MVP: variants seen among roughly 807,000 people sequenced by gnomAD.
MVP encodes major vault protein.
In MVP, 62 loss-of-function variants were observed where a neutral mutation model predicts 83.5. The ratio of observed to expected loss-of-function variants is 0.74; its 90% CI spans 0.61 to 0.92. MVP has a LOEUF of 0.92. Ranked by LOEUF, MVP falls within the 40% of genes least tolerant of loss-of-function variation. The probability of loss-of-function intolerance (pLI) is 0.00; values close to 1 mark genes in which losing one functional copy is unlikely to be tolerated. For synonymous variants in MVP, 505 were observed against 504.1 expected, an observed-to-expected ratio of 1.00 and a Z score of -0.02; for missense variants, 1,000 against 1,203.4, an observed-to-expected ratio of 0.83 and a Z score of 2.50.
rs1438310945 is a variant in MVP, at chr16:29,835,908, G to C, written c.672+110G>C. ...GAGTAAAAGAGAAGCAATAATTTTA[G>C]GGTCACTTAAAAAAATTCAGAGATC... On this transcript the variant is annotated intron_variant, in intron 6 of 14. Coordinates refer to ENST00000357402, the MANE Select transcript of MVP (RefSeq NM_005115.5). The C allele has an allele frequency of 1.7e-5, 15 of 891,904 alleles. No individual in the cohort carries two copies. The African/African-American group carries it at 1.8e-4, about 11-fold the overall frequency. The allele number at this position is 891,904 out of a possible 1,614,324, so 55.2% of individuals were successfully genotyped here.
intron 7 of MVP, among the ~76,000 whole-genome samples, chr16:29,837,584 T>C (rs2067498379): frequency 6.6e-6 from 1 of 152,076 alleles, no homozygotes; most frequent in Non-Finnish European, 1.5e-5. Context: ...GGAAACCCTG[T>C]CTCTACTAAA....
intron 3 of MVP, among the ~76,000 whole-genome samples, chr16:29,833,048 G>T (rs1228996668): frequency 1.3e-5 from 2 of 150,278 alleles, no homozygotes; most frequent in East Asian, 3.9e-4. Flanking sequence ...CTGGGTGACA[G>T]AGCAAGACTC....
At chr16:29,845,324 C>A (rs556689333) in intron 11 of MVP, among the ~76,000 whole-genome samples, 4 of 152,266 alleles carry the variant, frequency 2.6e-5, no homozygotes, top group South Asian at 2.1e-4. Flanking sequence ...TAGCCTCCCC[C>A]TTCCATGCTC....
intron 5 of MVP, chr16:29,834,904 T>A (rs1314161504): frequency 6.7e-6 from 1 of 149,132 alleles, no homozygotes; most frequent in Admixed American, 6.7e-5. Flanking sequence ...GAGACAGGGT[T>A]TCACCATGTT....
intron 12 of MVP, 69 bp from the exon 13 acceptor site, chr16:29,846,089 A>G (rs1052968843): frequency 2.1e-5 from 34 of 1,602,082 alleles, no homozygotes; most frequent in Non-Finnish European, 2.9e-5. Flanking sequence ...GCACGGCTAC[A>G]GCATAAGCCA....
intron 1 of MVP, chr16:29,830,264 C>T (rs996754346): frequency 1.3e-5 from 4 of 298,030 alleles, no homozygotes; most frequent in African/African-American, 6.5e-5. Context: ...AAGGAATTGG[C>T]AAGGAACCCT....
intron 1 of MVP, 82 bp from the exon 2 acceptor site, chr16:29,830,433 A>G: frequency 7.9e-7 from 1 of 1,265,026 alleles, no homozygotes; most frequent in South Asian, 1.4e-5. Context: ...GCCGTATCCC[A>G]CCCAGAGTCT....
chr16:29,836,915 G>A lies in MVP; in HGVS notation c.866G>A (p.Gly289Glu). The A allele has an allele frequency of 6.2e-7, 1 of 1,613,958 alleles. No homozygotes were observed. Among genetic ancestry groups the A allele is most frequent in the Non-Finnish European group, 8.5e-7 (1 of 1,179,954 alleles). Residue 289 changes from glycine (G) to glutamate (E), a missense_variant, in exon 7 of 15, where the codon GGA becomes GAA. Coordinates refer to ENST00000357402, the MANE Select transcript of MVP (RefSeq NM_005115.5). Reference protein sequence around the residue: ...HNYCVILDPVGPDGKNQLGQK... With the variant: ...HNYCVILDPVEPDGKNQLGQK... Reference sequence around the variant, plus strand: ...TACTGCGTGATTCTCGACCCTGTCGGACCGGATGGCAAGAATCAGCTGGGG... The same window carrying A: ...TACTGCGTGATTCTCGACCCTGTCGAACCGGATGGCAAGAATCAGCTGGGG...
At chr16:29,832,292 CTTTTTTT>C (rs36059297) in intron 3 of MVP, among the ~76,000 whole-genome samples, 34 of 107,292 alleles carry the variant, frequency 3.2e-4, no homozygotes, top group East Asian at 7.6e-4. Flanking sequence ...ATTCTTGTAC[CTTTTTTT>C]TTTTTTTTTT....
chr16:29,846,240 G>T lies in MVP; in HGVS notation c.2221G>T (p.Val741Leu), dbSNP rs1478942622. 1.9e-6 allele frequency: 3 copies of T among 1,581,654 alleles called. No individual in the cohort carries two copies. The highest frequency in any genetic ancestry group is 2.6e-6 in the Non-Finnish European group (3 of 1,163,250). ...EAARIEGEGSVLQAKLKAQAL... is the reference protein window; with the variant it reads ...EAARIEGEGSLLQAKLKAQAL... ...AGCCCGGATTGAGGGAGAAGGGTCCGTGCTGCAGGCCAAGCTAAAAGCACA... is the reference window on the plus strand; with the variant it reads ...AGCCCGGATTGAGGGAGAAGGGTCCTTGCTGCAGGCCAAGCTAAAAGCACA... Residue 741 changes from valine to leucine, a missense_variant, in exon 13 of 15, where the codon GTG becomes TTG. Val to Leu is a conservative substitution (Grantham distance 32, BLOSUM62 1). Transcript: ENST00000357402.
Position 29,842,063 on chromosome 16 carries a change from A to G in MVP, c.1585A>G (p.Ile529Val). The change falls in exon 10 of 15, where the codon ATC (isoleucine) becomes GTC (valine). Residue 529 changes from isoleucine (I) to valine (V), a missense_variant. Ile to Val is a conservative substitution (Grantham distance 29, BLOSUM62 3). Transcript: ENST00000357402. ...GPDFFTDVIT[I>V]ETADHARLQL... ...TGACTTCTTCACAGACGTCATCACC[A>G]TCGAAACGGCGGATCATGCCAGGCT... is the stretch of plus-strand genomic sequence containing the variant. The G allele has an allele frequency of 6.2e-7, 1 of 1,608,950 alleles. No homozygotes were observed. The highest frequency in any genetic ancestry group is 1.1e-5 in the South Asian group (1 of 91,006).
At chr16:29,824,463 G>C (rs1203245029) in intron 1 of MVP, among the ~76,000 whole-genome samples, 1 of 152,008 alleles carries the variant, frequency 6.6e-6, no homozygotes, top group Admixed American at 6.5e-5. Context: ...TTGGTCAATT[G>C]CCATTTAAGA....
intron 10 of MVP, among the ~76,000 whole-genome samples, chr16:29,842,525 G>A (rs1049541501): frequency 6.6e-6 from 1 of 151,956 alleles, no homozygotes; most frequent in African/African-American, 2.4e-5. Flanking sequence ...GGCTGGTCTC[G>A]AACTCCTGAC....
Position 29,841,800 on chromosome 16 carries a change from G to T in MVP, c.1396G>T (p.Ala466Ser), listed in dbSNP as rs370657227. 9 of 1,612,642 alleles carry T rather than the reference G, an allele frequency of 5.6e-6. No homozygotes were observed. In the African/African-American group the frequency reaches 1.1e-4, roughly 19 times the overall value. ...RVVSYRVPHN[A>S]AVQVYDYREK... ...GGTCAGCTACCGCGTGCCCCACAAC[G>T]CTGCGGTGCAGGTGTACGACTACCG... Residue 466 changes from alanine (A) to serine (S), a missense_variant, in exon 9 of 15, where the codon GCT becomes TCT. By Grantham distance (99) the Ala-to-Ser change is moderately conservative. Coordinates refer to ENST00000357402, the MANE Select transcript of MVP (RefSeq NM_005115.5). This position sits in a 1 kb window ranked among gnomAD's most constrained non-coding sequence, Gnocchi z 4.7.
Position 29,840,336 on chromosome 16 carries a change from C to T in MVP, c.1068C>T (p.His356=). The change falls in exon 8 of 15, where the codon CAC becomes CAT. Residue 356 remains histidine, a synonymous_variant. Coordinates refer to ENST00000357402, the MANE Select transcript of MVP (RefSeq NM_005115.5). ...EEKVSHQAGD[H]WLIRGPLEYV... ...AGGTCTCACACCAGGCTGGGGACCA[C>T]TGGCTCATCCGCGGACCCCTGGAGT... 6.2e-7 allele frequency: 1 copy of T among 1,611,084 alleles called. No individual in the cohort carries two copies. Among genetic ancestry groups the T allele is most frequent in the East Asian group, 2.2e-5 (1 of 44,804 alleles).
chr16:29,833,646 A>G, intron 3 of MVP, 87 bp from the exon 4 acceptor site: 2 of 1,568,942 alleles, frequency 1.3e-6, no homozygotes, highest in Non-Finnish European at 1.7e-6. Flanking sequence ...ACAGAGATGG[A>G]TGTTGTGGAC....
At position 29,847,251 on chromosome 16, in the gene MVP, C is replaced by G. The variant is rs146438938; in HGVS notation, c.2320C>G (p.Arg774Gly). ...KVRELELVYA[R>G]AQLELEVSKA... is the part of the protein sequence containing the mutation. ...CCGAGAGCTGGAACTGGTCTATGCC[C>G]GGGCCCAGCTGGAGCTGGAGGTGAG... The change falls in exon 14 of 15, where the codon CGG (arginine) becomes GGG (glycine). Residue 774 changes from arginine (R) to glycine (G), a missense_variant. Arg to Gly is a moderately radical substitution (Grantham distance 125). Transcript: ENST00000357402. The G allele has an allele frequency of 1.4e-5, 23 of 1,613,588 alleles. No homozygotes were observed. In the East Asian group the frequency reaches 4.9e-4, roughly 34 times the overall value.
At position 29,845,939 on chromosome 16, in the gene MVP, G is replaced by A. The variant is rs1264745136; in HGVS notation, c.2098G>A (p.Glu700Lys). ...GAAGATCCTGGACCAGTCAGAAGCC[G>A]AGAAAGCTCGCAAGGAACTTTTGGA... is the stretch of plus-strand genomic sequence containing the variant. ...RQKILDQSEA[E>K]KARKELLELE... The change falls in exon 12 of 15, where the codon GAG (glutamate) becomes AAG (lysine). Residue 700 changes from glutamate (E) to lysine (K), a missense_variant. Coordinates refer to ENST00000357402, the MANE Select transcript of MVP (RefSeq NM_005115.5). 2 of 1,614,248 alleles carry A rather than the reference G, an allele frequency of 1.2e-6. No homozygotes were observed. The highest frequency in any genetic ancestry group is 1.7e-6 in the Non-Finnish European group (2 of 1,180,040).
At chr16:29,828,378 GT>G (rs1277940938) in intron 1 of MVP, among the ~76,000 whole-genome samples, 2 of 151,528 alleles carry the variant, frequency 1.3e-5, no homozygotes, top group East Asian at 3.9e-4. Flanking sequence ...GAGTAAAAGG[GT>G]TTTTTTGGTT....
Sources: gnomAD v4.1 joint callset for allele counts (sites outside exome capture counted in the v4.1 genomes callset) on GRCh38, gnomAD v4.1.1 for gene constraint, Gnocchi (gnomAD v3.1) non-coding constraint, MANE v1.5 for transcripts, NCBI Gene and HGNC (gene_info 2026-07-23, HGNC 2026-07-21) for gene names.